LRMDA: variants seen among roughly 807,000 people sequenced by gnomAD.
The protein encoded by LRMDA is leucine rich melanocyte differentiation associated, also known as leucine-rich melanocyte differentiation-associated protein.
LRMDA carries 18 observed loss-of-function variants against 29.8 expected under a neutral mutation model. That is an observed-to-expected ratio of 0.60 (90% CI 0.42 to 0.90). The LOEUF (loss-of-function observed/expected upper bound fraction) is 0.90, where lower values mean the gene tolerates loss of function less well. LRMDA is among the 40% of genes least tolerant of loss of function. LRMDA has a pLI of 0.00. For synonymous variants in LRMDA, 125 were observed against 109.4 expected, an observed-to-expected ratio of 1.14 and a Z score of -0.89; for missense variants, 273 against 273.9, an observed-to-expected ratio of 1.00 and a Z score of 0.02.
chr10:75,653,460 A>C (rs1204745009), intron 2 of LRMDA, among the ~76,000 whole-genome samples: 1 of 152,208 alleles, frequency 6.6e-6, no homozygotes, highest in Non-Finnish European at 1.5e-5. Context: ...AGGACTCTAA[A>C]TCTAATTTGA....
intron 2 of LRMDA, among the ~76,000 whole-genome samples, chr10:75,679,939 A>G (rs1322616320): frequency 1.3e-5 from 2 of 152,252 alleles, no homozygotes; most frequent in Non-Finnish European, 2.9e-5. Flanking sequence ...TCTTAAAGAA[A>G]AAATGGCTGT....
intron 2 of LRMDA, among the ~76,000 whole-genome samples, chr10:75,708,819 C>T (rs1344122904): frequency 6.6e-6 from 1 of 152,216 alleles, no homozygotes; most frequent in African/African-American, 2.4e-5. Flanking sequence ...CTGCTTTTCC[C>T]ATAGCAGCAG....
At chr10:75,604,110 C>T (rs1311744902) in intron 2 of LRMDA, among the ~76,000 whole-genome samples, 1 of 152,074 alleles carries the variant, frequency 6.6e-6, no homozygotes, top group African/African-American at 2.4e-5. Flanking sequence ...CCCCAATGTG[C>T]CTTTAATCTT....
chr10:76,258,533 TG>T (rs1289857661), intron 5 of LRMDA, among the ~76,000 whole-genome samples: 2 of 152,174 alleles, frequency 1.3e-5, no homozygotes, highest in African/African-American at 4.8e-5. Flanking sequence ...CATCCTACAA[TG>T]TTTTTTTAAC....
chr10:76,047,087 C>T, intron 3 of LRMDA, 77 bp from the exon 4 acceptor site: 1 of 1,528,620 alleles, frequency 6.5e-7, no homozygotes, highest in Non-Finnish European at 9.0e-7. Flanking sequence ...CTGGACTCAT[C>T]AGCGCCTGTC....
intron 6 of LRMDA, among the ~76,000 whole-genome samples, chr10:76,365,690 C>T (rs537386949): frequency 1.4e-4 from 21 of 152,232 alleles, no homozygotes; most frequent in South Asian, 2.1e-4. Context: ...TCCCGCTCTG[C>T]GGGTTGTCTG....
intron 2 of LRMDA, among the ~76,000 whole-genome samples, chr10:75,593,676 C>T (rs9416086): frequency 0.6 from 91,972 of 152,212 alleles, 31,163 homozygotes; most frequent in East Asian, 0.85. Context: ...ATTTTCCTTC[C>T]TCTGACAGTT....
At chr10:75,986,851 GTTC>G (rs1342615926) in intron 2 of LRMDA, among the ~76,000 whole-genome samples, 5 of 152,224 alleles carry the variant, frequency 3.3e-5, no homozygotes, top group Non-Finnish European at 7.3e-5. Context: ...CAGTAATTCT[GTTC>G]TTTGGAGTCT....
At chr10:76,167,878 A>G (rs75055048) in intron 5 of LRMDA, among the ~76,000 whole-genome samples, 4,108 of 152,092 alleles carry the variant, frequency 0.027, 184 homozygotes, top group African/African-American at 0.091. Context: ...GATTTTTCCC[A>G]TCCATGAGCA....
intron 5 of LRMDA, among the ~76,000 whole-genome samples, chr10:76,112,094 G>C (rs1589331961): frequency 6.6e-6 from 1 of 152,304 alleles, no homozygotes; most frequent in East Asian, 1.9e-4. Context: ...ATTGCCGGCC[G>C]AGGGAGTTAA....
At chr10:75,982,335 C>T (rs1389470760) in intron 2 of LRMDA, among the ~76,000 whole-genome samples, 1 of 152,172 alleles carries the variant, frequency 6.6e-6, no homozygotes, top group East Asian at 1.9e-4. Flanking sequence ...TTCCCTCTCA[C>T]TTCTGGGGTG....
rs1211130766 is a variant in LRMDA at position 76,558,136 on chromosome 10, A to G, written c.*848A>G. On this transcript the variant is annotated 3_prime_UTR_variant, in exon 7 of 7. Transcript: ENST00000611255. ...GTTGCACCAGGGACTCTTATTTATT[A>G]ATTTATTTTTAACCGTACACACTTC... 1 of 152,182 alleles carries G rather than the reference A, an allele frequency of 6.6e-6. No homozygotes were observed. Among genetic ancestry groups the G allele is most frequent in the Non-Finnish European group, 1.5e-5 (1 of 68,040 alleles). The allele number at this position is 152,182 out of a possible 1,614,324, so 9.4% of individuals were successfully genotyped here.
chr10:76,009,768 A>G (rs1847741292), intron 2 of LRMDA, among the ~76,000 whole-genome samples: 1 of 152,034 alleles, frequency 6.6e-6, no homozygotes, highest in Middle Eastern at 3.4e-3. Flanking sequence ...GTGGGTAAAT[A>G]TCCCAGTCTG....
intron 2 of LRMDA, among the ~76,000 whole-genome samples, chr10:75,919,851 C>T (rs1261282086): frequency 2.6e-5 from 4 of 152,124 alleles, no homozygotes; most frequent in Admixed American, 2.6e-4. Context: ...TCAGTTTGCT[C>T]TGGGGCCTTC....
chr10:75,436,038 A>G (rs1844259807), intron 1 of LRMDA, among the ~76,000 whole-genome samples: 1 of 150,270 alleles, frequency 6.7e-6, no homozygotes, highest in Admixed American at 6.7e-5. Flanking sequence ...TGAGCAACAC[A>G]GTGAAACCCC....
chr10:75,609,275 G>A (rs1840998217), intron 2 of LRMDA, among the ~76,000 whole-genome samples: 1 of 152,174 alleles, frequency 6.6e-6, no homozygotes, highest in Non-Finnish European at 1.5e-5. Context: ...GCTTTGTAAA[G>A]ACACCCACAC....
At chr10:76,144,277 T>C (rs886916923) in intron 5 of LRMDA, among the ~76,000 whole-genome samples, 1 of 152,242 alleles carries the variant, frequency 6.6e-6, no homozygotes, top group African/African-American at 2.4e-5. Flanking sequence ...ATAAATTACC[T>C]TGGGCAGTAT....
chr10:76,022,646 A>G (rs1353206925), intron 2 of LRMDA, among the ~76,000 whole-genome samples: 4 of 152,180 alleles, frequency 2.6e-5, no homozygotes, highest in African/African-American at 4.8e-5. Flanking sequence ...CTTAGACCAG[A>G]ATAATCTTCC....
At chr10:75,692,944 C>A (rs1309107562) in intron 2 of LRMDA, among the ~76,000 whole-genome samples, 2 of 152,082 alleles carry the variant, frequency 1.3e-5, no homozygotes, top group Non-Finnish European at 2.9e-5. Flanking sequence ...AGCATCTGGG[C>A]TATGGTTAGC....
Sources: gnomAD v4.1 joint callset for allele counts (sites outside exome capture counted in the v4.1 genomes callset) on GRCh38, gnomAD v4.1.1 for gene constraint, MANE v1.5 for transcripts, NCBI Gene and HGNC (gene_info 2026-07-23, HGNC 2026-07-21) for gene names.